The following RIPOR2 variants were observed in gnomAD, a reference collection of about 807,000 sequenced individuals.
The protein encoded by RIPOR2 is RHO family interacting cell polarization regulator 2, also known as rho family-interacting cell polarization regulator 2.
A neutral mutation model predicts 114.5 loss-of-function variants in RIPOR2; 39 were observed. The observed-to-expected ratio is 0.34, with a 90% CI of 0.26 to 0.44. The LOEUF is 0.44. Ranked by LOEUF, RIPOR2 falls within the 20% of genes least tolerant of loss-of-function variation. The pLI is 1.00. For missense variants in RIPOR2, 1,007 were observed against 1,255.1 expected (o/e 0.80, Z 2.99); for synonymous variants, 445 against 484.4 (o/e 0.92, Z 1.07).
At chr6:25,023,577 C>T in intron 1 of RIPOR2, 1 of 770,316 alleles carries the variant, frequency 1.3e-6, no homozygotes, top group Non-Finnish European at 2.4e-6. Flanking sequence ...ATTTTGCACA[C>T]CTCCCAGTCC....
chr6:25,025,939 T>C (rs1458267339), intron 1 of RIPOR2, among the ~76,000 whole-genome samples: 1 of 152,344 alleles, frequency 6.6e-6, no homozygotes. Flanking sequence ...CAAGGGATGA[T>C]TTGTTTGTGC....
chr6:25,041,085 A>G (rs1178821986), intron 1 of RIPOR2, among the ~76,000 whole-genome samples: 1 of 152,168 alleles, frequency 6.6e-6, no homozygotes, highest in African/African-American at 2.4e-5. Flanking sequence ...TGCTTTCACT[A>G]TCATTTTTCT....
chr6:24,998,619 C>T (rs1341106704), intron 1 of RIPOR2, among the ~76,000 whole-genome samples: 1 of 152,186 alleles, frequency 6.6e-6, no homozygotes, highest in East Asian at 1.9e-4. Flanking sequence ...ATGCAAACTG[C>T]TTACCATTTT....
chr6:25,016,590 C>A (rs1776014682), intron 1 of RIPOR2, among the ~76,000 whole-genome samples: 1 of 152,156 alleles, frequency 6.6e-6, no homozygotes, highest in Non-Finnish European at 1.5e-5. Flanking sequence ...ACAAAATAGT[C>A]ACGAATCTGG....
rs954310038 is a variant in RIPOR2 at position 24,852,042 on chromosome 6, T to C, written c.759+533A>G. On this transcript the variant is annotated intron_variant, in intron 9 of 21. Coordinates refer to ENST00000643898, the MANE Select transcript of RIPOR2 (RefSeq NM_001286445.3). ...CGAAGGGTGGGCGGGGGGGAATCAC[T>C]TGAGGTCAGGAGTTCAAGACCAGCC... Among the ~76,000 whole-genome samples the C allele has an allele frequency of 4.0e-5, 6 of 151,850 alleles. No homozygotes were observed. The East Asian group carries it at 7.8e-4, about 20-fold the overall frequency.
upstream of RIPOR2, chr6:24,936,122 A>G: frequency 2.0e-6 from 1 of 495,264 alleles, no homozygotes; most frequent in Non-Finnish European, 3.6e-6. Context: ...AGGAGAAAGA[A>G]TTTTTTGAAG....
At chr6:25,011,153 GT>G (rs1775761581) in intron 1 of RIPOR2, among the ~76,000 whole-genome samples, 1 of 152,212 alleles carries the variant, frequency 6.6e-6, no homozygotes, top group Admixed American at 6.5e-5. Context: ...GCAATGAGCA[GT>G]GGAGGGAGGC....
At chr6:24,998,875 TC>T (rs567675231) in intron 1 of RIPOR2, among the ~76,000 whole-genome samples, 15 of 21,252 alleles carry the variant, frequency 7.1e-4, no homozygotes, top group Non-Finnish European at 3.3e-3. Context: ...TTATATGCAG[TC>T]ATTTTTTTTT....
chr6:24,843,894 A>T (rs1762004749), intron 12 of RIPOR2, among the ~76,000 whole-genome samples: 1 of 152,120 alleles, frequency 6.6e-6, no homozygotes, highest in Non-Finnish European at 1.5e-5. Context: ...AAGAGCTCAT[A>T]ATATTTGGCA....
At chr6:24,992,472 T>C (rs368650265) in intron 1 of RIPOR2, among the ~76,000 whole-genome samples, 2 of 152,056 alleles carry the variant, frequency 1.3e-5, no homozygotes, top group African/African-American at 4.8e-5. Flanking sequence ...CAAGTCACAA[T>C]TGCCACAAAA....
chr6:24,857,233 G>T (rs1330472830), intron 8 of RIPOR2, among the ~76,000 whole-genome samples: 1 of 152,180 alleles, frequency 6.6e-6, no homozygotes, highest in Non-Finnish European at 1.5e-5. Context: ...ACAGGCTCTT[G>T]TCTGGGGGCC....
chr6:24,839,692 G>A, intron 13 of RIPOR2: 1 of 1,508,732 alleles, frequency 6.6e-7, no homozygotes, highest in South Asian at 1.3e-5. Flanking sequence ...AAACAGAACT[G>A]CTATATCCCT....
intron 1 of RIPOR2, among the ~76,000 whole-genome samples, chr6:24,909,593 G>A (rs754020061): frequency 2.6e-5 from 4 of 152,036 alleles, no homozygotes; most frequent in African/African-American, 7.2e-5. Flanking sequence ...GCTAACAATC[G>A]AGCAGACGCT....
chr6:24,885,372 G>A (rs1766735718), intron 1 of RIPOR2, among the ~76,000 whole-genome samples: 1 of 152,092 alleles, frequency 6.6e-6, no homozygotes, highest in Admixed American at 6.6e-5. Flanking sequence ...ACTGGCATGT[G>A]CCTCCACACC....
intron 1 of RIPOR2, among the ~76,000 whole-genome samples, chr6:24,907,886 A>T (rs1029212903): frequency 5.3e-5 from 8 of 152,154 alleles, no homozygotes; most frequent in African/African-American, 1.9e-4. Context: ...TTTACATGAC[A>T]ACTGCTTTAT....
Position 24,873,736 on chromosome 6 carries a change from C to T in RIPOR2, c.252G>A (p.Met84Ile). ...LKKPQAKLKK[M>I]HNLGHKNNNP... ...TGTTGTTTTTGTGGCCTAAATTGTG[C>T]ATTTTCTTCAGTTTGGCCTGAGGCT... is the stretch of plus-strand genomic sequence containing the variant. The change falls in exon 3 of 22, where the codon ATG becomes ATA. Residue 84 changes from methionine (M) to isoleucine (I), a missense_variant. Transcript: ENST00000643898. 2.5e-6 allele frequency: 4 copies of T among 1,613,488 alleles called. No individual in the cohort carries two copies. The highest frequency in any genetic ancestry group is 3.4e-6 in the Non-Finnish European group (4 of 1,179,686).
intron 1 of RIPOR2, among the ~76,000 whole-genome samples, chr6:25,005,280 A>G (rs1775501393): frequency 6.6e-6 from 1 of 152,198 alleles, no homozygotes; most frequent in Non-Finnish European, 1.5e-5. Flanking sequence ...TTGTCCGTAG[A>G]TTTAGACTAG....
chr6:24,923,703 G>C (rs1561778590), intron 1 of RIPOR2, among the ~76,000 whole-genome samples: 1 of 151,972 alleles, frequency 6.6e-6, no homozygotes, highest in Non-Finnish European at 1.5e-5. Flanking sequence ...AATATTAGCA[G>C]GGGACGTGAT....
At chr6:24,944,002 G>A (rs1272376680) in intron 1 of RIPOR2, among the ~76,000 whole-genome samples, 1 of 152,180 alleles carries the variant, frequency 6.6e-6, no homozygotes, top group East Asian at 1.9e-4. Context: ...GTGGATTAGA[G>A]TTAGGGGCAA....
Sources: allele counts gnomAD v4.1 joint callset (sites outside exome capture counted in the v4.1 genomes callset), GRCh38; gene constraint gnomAD v4.1.1; transcripts MANE v1.5; gene names NCBI Gene and HGNC (gene_info 2026-07-23, HGNC 2026-07-21).